The following PWWP2A variants were observed in gnomAD, a reference collection of about 807,000 sequenced individuals.
The protein encoded by PWWP2A is PWWP domain-containing protein 2A.
A neutral mutation model predicts 48.5 loss-of-function variants in PWWP2A; 18 were observed. The observed-to-expected ratio is 0.37, with a 90% CI of 0.26 to 0.55. The LOEUF (loss-of-function observed/expected upper bound fraction) is 0.55. Ranked by LOEUF, PWWP2A falls within the 20% of genes least tolerant of loss-of-function variation. The probability of loss-of-function intolerance (pLI) is 0.81; values close to 1 mark genes in which losing one functional copy is unlikely to be tolerated. For synonymous variants in PWWP2A, 396 were observed against 387.7 expected (o/e 1.02, Z -0.25); for missense variants, 867 against 976.4 (o/e 0.89, Z 1.49).
chr5:160,102,071 T>C (rs1350299272), intron 1 of PWWP2A, among the ~76,000 whole-genome samples: 3 of 147,476 alleles, frequency 2.0e-5, no homozygotes, highest in African/African-American at 5.1e-5. Context: ...GATCACACCA[T>C]TGCCCTCCAG....
chr5:160,045,509 C>G, the PWWP2A span, among the ~76,000 whole-genome samples: 1 of 76,116 alleles, frequency 1.3e-5, no homozygotes. Context: ...CACACACACA[C>G]ACACATACAC....
At chr5:160,049,734 C>T in the PWWP2A span, 1 of 1,230,112 alleles carries the variant, frequency 8.1e-7, no homozygotes, top group South Asian at 1.9e-5. Context: ...CCTAAATAAT[C>T]CTTTCAGACA....
chr5:160,080,785 A>G, intron 2 of PWWP2A: 1 of 1,503,836 alleles, frequency 6.6e-7, no homozygotes, highest in Non-Finnish European at 8.9e-7. Context: ...GGTAGAAAAA[A>G]CCAAGTTAAC....
chr5:160,118,257 G>C (rs1013623152), intron 1 of PWWP2A, among the ~76,000 whole-genome samples: 1 of 152,174 alleles, frequency 6.6e-6, no homozygotes, highest in African/African-American at 2.4e-5. Flanking sequence ...ACTTCTAACC[G>C]TAAGAATTAC....
At chr5:160,074,425 C>T (rs1029784006), downstream of PWWP2A, among the ~76,000 whole-genome samples, 2 of 151,172 alleles carry the variant, frequency 1.3e-5, no homozygotes, top group Admixed American at 6.6e-5. Context: ...GCAACAAGAG[C>T]GAAAATCTGT....
downstream of PWWP2A, among the ~76,000 whole-genome samples, chr5:160,087,719 A>AT (rs1422053296): frequency 6.6e-6 from 1 of 152,202 alleles, no homozygotes; most frequent in South Asian, 2.1e-4. Flanking sequence ...TTTAACTACA[A>AT]TTTTTTAAAT....
Position 160,119,056 on chromosome 5 carries a change from C to T in PWWP2A, c.333G>A (p.Pro111=). Residue 111 remains proline, a synonymous_variant, in exon 1 of 2, where the codon CCG becomes CCA. Coordinates refer to ENST00000307063, the MANE Select transcript of PWWP2A (RefSeq NM_001130864.2). ...ESAAAAPQGG[P]ELPPSPASPP... is the part of the protein sequence containing the mutation. ...GCGATGCAGGAGAAGGTGGAAGTTC[C>T]GGCCCTCCCTGAGGCGCGGCTGCCG... is the stretch of plus-strand genomic sequence containing the variant. The T allele has an allele frequency of 4.4e-6, 7 of 1,592,332 alleles. No individual in the cohort carries two copies. The highest frequency in any genetic ancestry group is 4.3e-6 in the Non-Finnish European group (5 of 1,176,362).
Position 160,091,376 on chromosome 5 carries a change from G to GTTTTTTTT in PWWP2A, c.*998_*1005dup, listed in dbSNP as rs368598091. 2.3e-6 allele frequency: 2 copies of GTTTTTTTT among 880,828 alleles called. No individual in the cohort carries two copies. Among genetic ancestry groups the GTTTTTTTT allele is most frequent in the Admixed American group, 7.3e-5 (1 of 13,658 alleles). 54.6% of individuals were successfully genotyped at this position (880,828 alleles called of 1,614,324 possible). ...TGATTTTATTTACAGCTTTTTTTTG[G>GTTTTTTTT]TTTTTTTTTTTTTTTTTACATTTCA... On this transcript the variant is annotated 3_prime_UTR_variant, in exon 2 of 2. Transcript: ENST00000307063.
rs1413377002 is a variant in PWWP2A at position 160,119,314 on chromosome 5, C to T, written c.75G>A (p.Pro25=). The T allele has an allele frequency of 3.6e-6, 5 of 1,388,020 alleles. No individual in the cohort carries two copies. Among genetic ancestry groups the T allele is most frequent in the Non-Finnish European group, 4.6e-6 (5 of 1,077,610 alleles). The allele number at this position is 1,388,020 out of a possible 1,614,324, so 86.0% of individuals were successfully genotyped here. A position where few individuals can be genotyped will look rare whatever the true frequency, so the allele number is the denominator to read the frequency against. Residue 25 remains proline, a synonymous_variant, in exon 1 of 2, where the codon CCG becomes CCA. Coordinates refer to ENST00000307063, the MANE Select transcript of PWWP2A (RefSeq NM_001130864.2). The stretch of plus-strand genomic sequence containing the variant: ...CACTGCCGGGGATGGGCTCCATCTC[C>T]GGCTCGGCCTCGCCGGCGCCCCCCT... ...PGEGGAGEAE[P]EMEPIPGSEA... is the part of the protein sequence containing the mutation.
chr5:160,091,981 TAC>T lies in PWWP2A; in HGVS notation c.*399_*400del. Reference sequence around the variant, plus strand: ...TTTCATATATATATATGTGTATATATACATATATATGTGTGTATATATACATA... The same window carrying T: ...TTTCATATATATATATGTGTATATATATATATATGTGTGTATATATACATA... On this transcript the variant is annotated 3_prime_UTR_variant, in exon 2 of 2. Coordinates refer to ENST00000307063, the MANE Select transcript of PWWP2A (RefSeq NM_001130864.2). The T allele has an allele frequency of 2.7e-6, 2 of 753,674 alleles. No homozygotes were observed. The highest frequency in any genetic ancestry group is 3.2e-6 in the Non-Finnish European group (2 of 623,288). The allele number at this position is 753,674 out of a possible 1,614,324, so 46.7% of individuals were successfully genotyped here.
At chr5:160,115,678 G>A (rs1003424247) in intron 1 of PWWP2A, among the ~76,000 whole-genome samples, 3 of 151,120 alleles carry the variant, frequency 2.0e-5, no homozygotes, top group Admixed American at 6.6e-5. Flanking sequence ...GGGTGACAGA[G>A]TGAGACTCCA....
the PWWP2A span, chr5:160,051,082 G>GTTTT: frequency 1.2e-5 from 15 of 1,236,460 alleles, no homozygotes; most frequent in Admixed American, 2.4e-5. Context: ...AAAGGTTTTG[G>GTTTT]TTTTTTTTTT....
chr5:160,088,408 T>A (rs1025757072), downstream of PWWP2A, among the ~76,000 whole-genome samples: 1 of 152,106 alleles, frequency 6.6e-6, no homozygotes, highest in Non-Finnish European at 1.5e-5. Context: ...AATTTTTGTG[T>A]TTTTAGAAGA....
chr5:160,060,270 G>A (rs1757662343), downstream of PWWP2A, among the ~76,000 whole-genome samples: 1 of 152,206 alleles, frequency 6.6e-6, no homozygotes, highest in African/African-American at 2.4e-5. Context: ...TAAACTGCCT[G>A]ATGCACAGTC....
At position 160,119,445 on chromosome 5, in the gene PWWP2A, C is replaced by T. The variant is rs1758501860; in HGVS notation, c.-57G>A. 1 of 1,350,178 alleles carries T rather than the reference C, an allele frequency of 7.4e-7. No homozygotes were observed. The highest frequency in any genetic ancestry group is 1.5e-5 in the African/African-American group (1 of 64,968). The allele number at this position is 1,350,178 out of a possible 1,614,324, so 83.6% of individuals were successfully genotyped here. A position where few individuals can be genotyped will look rare whatever the true frequency, so the allele number is the denominator to read the frequency against. ...GGCTGCAGCGGCGGCGGCGACAGCG[C>T]TGCTTGGTTCCCTGGGCCTTCCCCT... On this transcript the variant is annotated 5_prime_UTR_variant, in exon 1 of 2. Transcript: ENST00000307063.
downstream of PWWP2A, among the ~76,000 whole-genome samples, chr5:160,058,594 G>A (rs1007286142): frequency 1.3e-5 from 2 of 151,780 alleles, no homozygotes; most frequent in Non-Finnish European, 2.9e-5. Context: ...GTATTTTTTA[G>A]TAGAGACAGG....
chr5:160,086,652 G>C (rs1754667441), downstream of PWWP2A, among the ~76,000 whole-genome samples: 1 of 152,150 alleles, frequency 6.6e-6, no homozygotes, highest in African/African-American at 2.4e-5. Flanking sequence ...CAGCACTTTG[G>C]GAGGCCGAGG....
chr5:160,104,582 C>A (rs1003861243), intron 1 of PWWP2A, among the ~76,000 whole-genome samples: 2 of 152,206 alleles, frequency 1.3e-5, no homozygotes, highest in Middle Eastern at 6.8e-3. Flanking sequence ...GCGGGTGGAT[C>A]ACCTGAGGTC....
intron 1 of PWWP2A, among the ~76,000 whole-genome samples, chr5:160,100,322 AAAAT>A (rs1756140276): frequency 1.3e-5 from 2 of 151,998 alleles, no homozygotes; most frequent in South Asian, 2.1e-4. Flanking sequence ...AATAATAATA[AAAAT>A]AAATAAATAA....
Sources: gnomAD v4.1 joint callset for allele counts (sites outside exome capture counted in the v4.1 genomes callset) on GRCh38, gnomAD v4.1.1 for gene constraint, MANE v1.5 for transcripts, NCBI Gene and HGNC (gene_info 2026-07-23, HGNC 2026-07-21) for gene names.